Variants in STIM1 observed in about 807,000 individuals in gnomAD.
The protein encoded by STIM1 is stromal interaction molecule 1.
STIM1 carries 25 observed loss-of-function variants against 74.7 expected under a neutral mutation model. The observed-to-expected ratio is 0.33, with a 90% CI of 0.24 to 0.47. STIM1 has a LOEUF of 0.47. Among genes scored for constraint, STIM1 ranks in the 20% least tolerant of loss-of-function variants. STIM1 has a pLI of 1.00. For missense variants in STIM1, 728 were observed against 920.8 expected (o/e 0.79, Z 2.71); for synonymous variants, 328 against 348.8 (o/e 0.94, Z 0.66).
intron 3 of STIM1, among the ~76,000 whole-genome samples, chr11:4,044,212 G>C (rs1029753013): frequency 6.6e-6 from 1 of 152,100 alleles, no homozygotes; most frequent in African/African-American, 2.4e-5. Context: ...TATGACATTA[G>C]GACATTGACT....
At chr11:4,023,053 G>A (rs540488893) in intron 2 of STIM1, among the ~76,000 whole-genome samples, 9 of 152,278 alleles carry the variant, frequency 5.9e-5, no homozygotes, top group East Asian at 3.9e-4. Context: ...ACAGTCGGCC[G>A]GGTATGGTGG....
At chr11:3,926,662 G>A (rs1023927213) in intron 1 of STIM1, among the ~76,000 whole-genome samples, 2 of 152,238 alleles carry the variant, frequency 1.3e-5, no homozygotes, top group African/African-American at 4.8e-5. Flanking sequence ...GCTAAGCAAA[G>A]CCTTACTCAG....
chr11:4,016,051 C>T (rs1224035840), intron 2 of STIM1, among the ~76,000 whole-genome samples: 1 of 152,160 alleles, frequency 6.6e-6, no homozygotes, highest in East Asian at 1.9e-4. Flanking sequence ...TCTGTCAACT[C>T]GTTAAACTCA....
chr11:3,962,380 C>T (rs553220876), intron 1 of STIM1, among the ~76,000 whole-genome samples: 1 of 152,034 alleles, frequency 6.6e-6, no homozygotes, highest in East Asian at 1.9e-4. Flanking sequence ...CAGATAGCGG[C>T]CTCCAGTTCC....
chr11:3,998,389 A>G (rs757578956), intron 2 of STIM1, among the ~76,000 whole-genome samples: 1 of 152,152 alleles, frequency 6.6e-6, no homozygotes, highest in Non-Finnish European at 1.5e-5. Flanking sequence ...TAGGCTGACA[A>G]TTTGGGGACC....
intron 2 of STIM1, chr11:3,989,021 GGTGGGATTCC>G (rs999811106): frequency 5.2e-5 from 46 of 878,924 alleles, no homozygotes; most frequent in Non-Finnish European, 7.2e-5. Context: ...GATGGGATGA[GGTGGGATTCC>G]CTCCTTCTTA....
intron 1 of STIM1, among the ~76,000 whole-genome samples, chr11:3,881,603 C>T (rs1003372350): frequency 1.3e-5 from 2 of 152,160 alleles, no homozygotes; most frequent in African/African-American, 4.8e-5. Flanking sequence ...CATCTCCTGA[C>T]CTCATGATCT....
chr11:4,081,720 G>A (rs2094466495), intron 7 of STIM1, among the ~76,000 whole-genome samples: 2 of 152,226 alleles, frequency 1.3e-5, no homozygotes, highest in South Asian at 4.1e-4. Flanking sequence ...AGGAAGCACA[G>A]GGTCACACAA....
intron 2 of STIM1, among the ~76,000 whole-genome samples, chr11:4,019,312 T>G (rs2093933508): frequency 6.6e-6 from 1 of 152,126 alleles, no homozygotes; most frequent in African/African-American, 2.4e-5. Flanking sequence ...GTTTTTTTCT[T>G]TATTTAAATT....
At chr11:3,919,085 A>G (rs1263613789) in intron 1 of STIM1, among the ~76,000 whole-genome samples, 1 of 152,194 alleles carries the variant, frequency 6.6e-6, no homozygotes, top group Non-Finnish European at 1.5e-5. Flanking sequence ...CTTTCTTTGC[A>G]TCTTTCTGAC....
intron 3 of STIM1, among the ~76,000 whole-genome samples, chr11:4,026,308 A>G (rs1013653323): frequency 6.6e-6 from 1 of 152,192 alleles, no homozygotes; most frequent in African/African-American, 2.4e-5. Flanking sequence ...TCTAATCTCT[A>G]TCTTAGCCAA....
At chr11:4,016,889 G>A (rs1213443310) in intron 2 of STIM1, among the ~76,000 whole-genome samples, 1 of 152,248 alleles carries the variant, frequency 6.6e-6, no homozygotes, top group Non-Finnish European at 1.5e-5. Context: ...GCACAGGAGG[G>A]AATCTCCTGG....
intron 1 of STIM1, among the ~76,000 whole-genome samples, chr11:3,876,800 G>A (rs539687631): frequency 6.6e-6 from 1 of 152,262 alleles, no homozygotes; most frequent in East Asian, 1.9e-4. Flanking sequence ...GAGGCAGTTT[G>A]GTTTAGAATG....
intron 12 of STIM1, chr11:4,088,651 G>A (rs904614600): frequency 7.6e-5 from 115 of 1,518,438 alleles, no homozygotes; most frequent in Non-Finnish European, 9.3e-5. Context: ...AGAGGTACCT[G>A]TATCCACCTG....
intron 3 of STIM1, among the ~76,000 whole-genome samples, chr11:4,032,680 A>T (rs890983283): frequency 6.6e-6 from 1 of 152,226 alleles, no homozygotes; most frequent in Admixed American, 6.5e-5. Context: ...TTTAAGAGAT[A>T]CACTTTCTCT....
At chr11:3,989,518 C>T (rs1232375638) in intron 2 of STIM1, 4 of 595,464 alleles carry the variant, frequency 6.7e-6, no homozygotes, top group Non-Finnish European at 1.3e-5. Flanking sequence ...GCACCGAGAG[C>T]CTTCGCGAAG....
intron 1 of STIM1, chr11:3,866,963 C>T (rs1273313490): frequency 6.6e-6 from 1 of 152,108 alleles, no homozygotes; most frequent in Non-Finnish European, 1.5e-5. Flanking sequence ...AGTACATATC[C>T]TCAGTACCTA....
In STIM1 at chr11:3,895,043, C is replaced by A. The variant is rs149268606; in HGVS notation, c.139+38634C>A. The stretch of plus-strand genomic sequence containing the variant: ...GGATTACAGGCGTGAGCCACCGCGC[C>A]CGGCCGACCCTGTTCTAAGGAAGGC... On this transcript the variant is annotated intron_variant, in intron 1 of 12. Coordinates refer to ENST00000526596, the MANE Select transcript of STIM1 (RefSeq NM_001382567.1). Among the ~76,000 whole-genome samples, 47 of 152,232 alleles carry A rather than the reference C, an allele frequency of 3.1e-4. No individual in the cohort carries two copies. In the Middle Eastern group the frequency reaches 0.014, roughly 44 times the overall value.
At chr11:3,870,805 C>T (rs1350896900) in intron 1 of STIM1, among the ~76,000 whole-genome samples, 1 of 151,474 alleles carries the variant, frequency 6.6e-6, no homozygotes, top group Non-Finnish European at 1.5e-5. Flanking sequence ...GCTACATCTC[C>T]GATTTTCTAG....
Sources: gnomAD v4.1 joint callset for allele counts (sites outside exome capture counted in the v4.1 genomes callset) on GRCh38, gnomAD v4.1.1 for gene constraint, MANE v1.5 for transcripts, NCBI Gene and HGNC (gene_info 2026-07-23, HGNC 2026-07-21) for gene names.